Variants in GPHN observed in about 807,000 individuals in gnomAD.
GPHN encodes gephyrin.
A neutral mutation model predicts 95.5 loss-of-function variants in GPHN; 17 were observed. The ratio of observed to expected loss-of-function variants is 0.18; its 90% CI spans 0.12 to 0.27. The LOEUF (loss-of-function observed/expected upper bound fraction) is 0.27. Ranked by LOEUF, GPHN falls within the 10% of genes least tolerant of loss-of-function variation. The probability of loss-of-function intolerance (pLI) is 1.00; values close to 1 mark genes in which losing one functional copy is unlikely to be tolerated. For missense variants in GPHN, 660 were observed against 978.1 expected (o/e 0.67, Z 4.34); for synonymous variants, 320 against 322.5 (o/e 0.99, Z 0.08).
At chr14:66,548,696 A>C (rs2059699836) in intron 1 of GPHN, among the ~76,000 whole-genome samples, 1 of 152,236 alleles carries the variant, frequency 6.6e-6, no homozygotes, top group Non-Finnish European at 1.5e-5. Flanking sequence ...CAAGATCTAG[A>C]GATCCTGATT....
At position 66,922,651 on chromosome 14, in the gene GPHN, T is replaced by G. The variant is rs966531598; in HGVS notation, c.457-15T>G. On this transcript the variant is annotated splice_polypyrimidine_tract_variant and intron_variant, in intron 6 of 22. Transcript: ENST00000478722. ...GTGCTTCATCTTAATTTTTTTTTCT[T>G]TCTCTTGCATACAGGAATGCTTTCA... is the stretch of plus-strand genomic sequence containing the variant. 6 of 1,584,398 alleles carry G rather than the reference T, an allele frequency of 3.8e-6. No individual in the cohort carries two copies. The highest frequency in any genetic ancestry group is 5.2e-6 in the Non-Finnish European group (6 of 1,163,246).
intron 2 of GPHN, among the ~76,000 whole-genome samples, chr14:66,769,148 A>G (rs2059070430): frequency 6.6e-6 from 1 of 152,090 alleles, no homozygotes; most frequent in African/African-American, 2.4e-5. Flanking sequence ...AGTGAAGCAT[A>G]TAGATAATGC....
the GPHN span, among the ~76,000 whole-genome samples, chr14:67,375,521 T>C: frequency 8.0e-6 from 1 of 124,682 alleles, no homozygotes; most frequent in Non-Finnish European, 1.6e-5. Flanking sequence ...GTCCTCAAGA[T>C]AAAATATCAA....
the GPHN span, among the ~76,000 whole-genome samples, chr14:67,244,088 G>A: frequency 2.7e-4 from 41 of 152,090 alleles, no homozygotes; most frequent in Non-Finnish European, 4.9e-4. Flanking sequence ...TTAACTGGCA[G>A]GATTCTTTCT....
At chr14:67,024,610 T>TA (rs1224053406) in intron 10 of GPHN, among the ~76,000 whole-genome samples, 2 of 152,232 alleles carry the variant, frequency 1.3e-5, no homozygotes, top group Non-Finnish European at 1.5e-5. Flanking sequence ...GGCAAAAAGA[T>TA]ACATAGGGCA....
chr14:67,404,714 G>A, the GPHN span, among the ~76,000 whole-genome samples: 1 of 151,930 alleles, frequency 6.6e-6, no homozygotes, highest in East Asian at 1.9e-4. Context: ...GGAGGCTGAG[G>A]TGGGAGGATC....
chr14:66,682,153 T>C (rs1281564199), intron 2 of GPHN, among the ~76,000 whole-genome samples: 1 of 152,216 alleles, frequency 6.6e-6, no homozygotes, highest in Admixed American at 6.5e-5. Context: ...AGTTTATATA[T>C]GATGTCGTGA....
At chr14:67,147,693 T>C (rs1025946210) in intron 18 of GPHN, among the ~76,000 whole-genome samples, 3 of 152,120 alleles carry the variant, frequency 2.0e-5, no homozygotes, top group African/African-American at 7.2e-5. Flanking sequence ...TGAACCACCA[T>C]GCCAGCCTAG....
At chr14:67,000,386 A>G (rs938377701) in intron 9 of GPHN, among the ~76,000 whole-genome samples, 2 of 151,712 alleles carry the variant, frequency 1.3e-5, no homozygotes, top group African/African-American at 4.8e-5. Context: ...AACACCACAG[A>G]ACCACAAACT....
At chr14:66,972,918 G>C (rs2069918233) in intron 9 of GPHN, among the ~76,000 whole-genome samples, 1 of 152,084 alleles carries the variant, frequency 6.6e-6, no homozygotes, top group African/African-American at 2.4e-5. Flanking sequence ...ATCCACCATT[G>C]ATTTTGTACC....
At chr14:67,204,463 A>G in the GPHN span, 2 of 1,449,448 alleles carry the variant, frequency 1.4e-6, no homozygotes, top group Non-Finnish European at 1.8e-6. Flanking sequence ...ACAAATATAT[A>G]TATATATAAG....
At chr14:67,129,908 T>C (rs2079593197) in intron 17 of GPHN, among the ~76,000 whole-genome samples, 1 of 151,964 alleles carries the variant, frequency 6.6e-6, no homozygotes, top group Non-Finnish European at 1.5e-5. Context: ...AAGTCTTTAA[T>C]GTTACCCTTG....
chr14:67,448,850 G>A, the GPHN span, among the ~76,000 whole-genome samples: 3 of 152,184 alleles, frequency 2.0e-5, no homozygotes, highest in Non-Finnish European at 4.4e-5. Context: ...TGACCTAAGA[G>A]GTAGAATTGG....
chr14:67,251,432 C>G, the GPHN span, among the ~76,000 whole-genome samples: 1 of 152,008 alleles, frequency 6.6e-6, no homozygotes, highest in Admixed American at 6.6e-5. Context: ...ACTCAGGAGG[C>G]TAAAGTGAGA....
intron 8 of GPHN, among the ~76,000 whole-genome samples, chr14:66,948,115 A>G (rs2067868382): frequency 6.6e-6 from 1 of 152,210 alleles, no homozygotes; most frequent in Non-Finnish European, 1.5e-5. Flanking sequence ...AAGTGCCATA[A>G]GAAATTAATA....
chr14:67,728,499 C>T, the GPHN span, among the ~76,000 whole-genome samples: 5 of 152,176 alleles, frequency 3.3e-5, no homozygotes, highest in Non-Finnish European at 7.3e-5. Flanking sequence ...GACCTTGGCC[C>T]TGCACCCTGC....
At chr14:67,712,215 C>T in the GPHN span, among the ~76,000 whole-genome samples, 54 of 151,962 alleles carry the variant, frequency 3.6e-4, 1 homozygote, top group African/African-American at 1.2e-3. Flanking sequence ...CCACCACACC[C>T]GGCCTGGGAC....
chr14:66,607,982 T>G (rs2062617864), intron 1 of GPHN, among the ~76,000 whole-genome samples: 1 of 151,718 alleles, frequency 6.6e-6, no homozygotes, highest in African/African-American at 2.4e-5. Flanking sequence ...TGGATTTTTG[T>G]GTCTTAATTT....
the GPHN span, among the ~76,000 whole-genome samples, chr14:67,365,165 G>C: frequency 6.6e-6 from 1 of 151,952 alleles, no homozygotes; most frequent in Non-Finnish European, 1.5e-5. Flanking sequence ...ATGCCAATTA[G>C]CTATCTAAGC....
Sources: gnomAD v4.1 joint callset for allele counts (sites outside exome capture counted in the v4.1 genomes callset) on GRCh38, gnomAD v4.1.1 for gene constraint, MANE v1.5 for transcripts, NCBI Gene and HGNC (gene_info 2026-07-23, HGNC 2026-07-21) for gene names.